MYO1D: variants seen among roughly 807,000 people sequenced by gnomAD.
MYO1D encodes the protein unconventional myosin-Id.
In MYO1D, 83 loss-of-function variants were observed where a neutral mutation model predicts 122.0. The ratio of observed to expected loss-of-function variants is 0.68; its 90% confidence interval spans 0.57 to 0.82. The LOEUF (loss-of-function observed/expected upper bound fraction) is 0.82. MYO1D is among the 40% of genes least tolerant of loss of function. The pLI is 0.00. For synonymous variants in MYO1D, 464 were observed against 446.9 expected (o/e 1.04, Z -0.48); for missense variants, 1,157 against 1,269.5 (o/e 0.91, Z 1.35).
intron 1 of MYO1D, among the ~76,000 whole-genome samples, chr17:32,866,992 A>G (rs780410164): frequency 1.3e-5 from 2 of 152,196 alleles, no homozygotes; most frequent in Non-Finnish European, 2.9e-5. Context: ...ACATATAGAC[A>G]GCTCTTAATT....
intron 21 of MYO1D, among the ~76,000 whole-genome samples, chr17:32,511,982 C>T (rs564210016): frequency 6.6e-6 from 1 of 152,184 alleles, no homozygotes; most frequent in Non-Finnish European, 1.5e-5. Flanking sequence ...CACCTACACA[C>T]AAACACACTG....
chr17:32,764,880 TG>T lies in MYO1D; in HGVS notation c.1032del (p.Lys345ArgfsTer72). On this transcript the variant is annotated frameshift_variant, in exon 8 of 22. Coordinates refer to ENST00000318217, the MANE Select transcript of MYO1D (RefSeq NM_015194.3). LOFTEE classifies it high-confidence loss of function. Reference sequence around the variant, plus strand: ...CATAGGGTCAGTTACACTCTCACCTTGGCAAAGGCGTCTCTGCCGTAGCTGG... The same window carrying T: ...CATAGGGTCAGTTACACTCTCACCTTGCAAAGGCGTCTCTGCCGTAGCTGG... ...QEASYGRDAF[A>X]KAIYERLFCW... 6.2e-7 allele frequency: 1 copy of T among 1,613,992 alleles called. No individual in the cohort carries two copies. Among genetic ancestry groups the T allele is most frequent in the South Asian group, 1.1e-5 (1 of 91,072 alleles).
At chr17:32,658,536 T>A (rs2088509140) in intron 17 of MYO1D, 1 of 152,282 alleles carries the variant, frequency 6.6e-6, no homozygotes, top group African/African-American at 2.4e-5. Context: ...GTACCAAATT[T>A]TACTTGGGTT....
At chr17:32,720,713 T>TGATCAA (rs893846553) in intron 15 of MYO1D, among the ~76,000 whole-genome samples, 4 of 152,158 alleles carry the variant, frequency 2.6e-5, no homozygotes, top group African/African-American at 9.7e-5. Context: ...TTCTGGCCCA[T>TGATCAA]GATCAAGCAG....
At chr17:32,649,274 T>G (rs1001618194) in intron 19 of MYO1D, among the ~76,000 whole-genome samples, 1 of 152,300 alleles carries the variant, frequency 6.6e-6, no homozygotes, top group East Asian at 1.9e-4. Context: ...CACATTGTTG[T>G]GCAGCCATCA....
intron 21 of MYO1D, among the ~76,000 whole-genome samples, chr17:32,527,431 CTAACTT>C (rs1371131499): frequency 6.6e-6 from 1 of 152,198 alleles, no homozygotes; most frequent in Non-Finnish European, 1.5e-5. Context: ...TCTGTTCTCA[CTAACTT>C]TAAATTCTAG....
intron 16 of MYO1D, among the ~76,000 whole-genome samples, chr17:32,683,497 GAA>G (rs1378450520): frequency 6.6e-6 from 1 of 152,088 alleles, no homozygotes; most frequent in African/African-American, 2.4e-5. Context: ...AGGTCTGTTG[GAA>G]TACCCTGCCG....
Position 32,694,707 on chromosome 17 carries a change from CAAAA to C in MYO1D, c.2121+17277_2121+17280del, listed in dbSNP as rs58606294. ...TGGGCGACAGAGCGAGACTCCGTCT[CAAAA>C]AAAAAAAAAAAAAAAAAAAAAAATT... On this transcript the variant is annotated intron_variant, in intron 16 of 21. Coordinates refer to ENST00000318217, the MANE Select transcript of MYO1D (RefSeq NM_015194.3). Among the ~76,000 whole-genome samples, 6 of 55,914 alleles carry C rather than the reference CAAAA, an allele frequency of 1.1e-4. 1 individual carries two copies. The highest frequency in any genetic ancestry group is 7.6e-4 in the Admixed American group (3 of 3,940). The allele number at this position is 55,914 out of a possible 152,430, so 36.7% of individuals were successfully genotyped here. A position where few individuals can be genotyped will look rare whatever the true frequency, so the allele number is the denominator to read the frequency against.
At chr17:32,762,418 A>C (rs8082235) in intron 8 of MYO1D, among the ~76,000 whole-genome samples, 2,220 of 152,212 alleles carry the variant, frequency 0.015, 42 homozygotes, top group African/African-American at 0.048. Flanking sequence ...AGTCCATTTC[A>C]AATCATCCTC....
At chr17:32,588,328 G>T (rs2087409336) in intron 21 of MYO1D, among the ~76,000 whole-genome samples, 1 of 152,220 alleles carries the variant, frequency 6.6e-6, no homozygotes, top group African/African-American at 2.4e-5. Context: ...CACGATGCCT[G>T]ATAAAAGACA....
At chr17:32,628,078 T>G (rs2087951617) in intron 20 of MYO1D, among the ~76,000 whole-genome samples, 1 of 152,238 alleles carries the variant, frequency 6.6e-6, no homozygotes, top group Admixed American at 6.5e-5. Flanking sequence ...TTATGTAGGC[T>G]ATTTCTTGCT....
At chr17:32,763,139 T>C (rs902989209) in intron 8 of MYO1D, among the ~76,000 whole-genome samples, 1 of 151,940 alleles carries the variant, frequency 6.6e-6, no homozygotes. Context: ...TGAGCTGAGA[T>C]TGTGCCACTG....
rs769569541 is a variant in MYO1D at position 32,605,077 on chromosome 17, C to T, written c.2864+10G>A. 4.5e-6 allele frequency: 7 copies of T among 1,564,802 alleles called. No homozygotes were observed. The highest frequency in any genetic ancestry group is 6.1e-6 in the Non-Finnish European group (7 of 1,145,608). On this transcript the variant is annotated intron_variant, in intron 21 of 21. Coordinates refer to ENST00000318217, the MANE Select transcript of MYO1D (RefSeq NM_015194.3). ...TAAAACGTGTCTTAGTTACAAAAAT[C>T]AAACTTTACCTCTTGAAATGATTCA...
At chr17:32,549,495 T>C (rs2086992480) in intron 21 of MYO1D, among the ~76,000 whole-genome samples, 1 of 152,232 alleles carries the variant, frequency 6.6e-6, no homozygotes, top group Non-Finnish European at 1.5e-5. Context: ...AGGAGGGGCA[T>C]AGCACTGACT....
rs191730816 is a variant in MYO1D at position 32,722,941 on chromosome 17, C to T, written c.1747-1752G>A. ...CGTCATGTGCTGGAACTTACAGCTG[C>T]CTGACCTCTGGGCAGGTTAGGGGGA... On this transcript the variant is annotated intron_variant, in intron 14 of 21. Coordinates refer to ENST00000318217, the MANE Select transcript of MYO1D (RefSeq NM_015194.3). Among the ~76,000 whole-genome samples the T allele has an allele frequency of 3.2e-4, 48 of 152,146 alleles. 1 individual carries two copies. The highest frequency in any genetic ancestry group is 6.8e-3 in the Middle Eastern group (2 of 294).
At chr17:32,721,947 ATTTCTT>A (rs1176451554) in intron 14 of MYO1D, among the ~76,000 whole-genome samples, 4 of 152,224 alleles carry the variant, frequency 2.6e-5, no homozygotes, top group African/African-American at 9.6e-5. Context: ...AGTGTAAAGA[ATTTCTT>A]TTTCTTCTCT....
At position 32,729,089 on chromosome 17, in the gene MYO1D, A is replaced by T. The variant is rs141247423; in HGVS notation, c.1747-7900T>A. On this transcript the variant is annotated intron_variant, in intron 14 of 21. Coordinates refer to ENST00000318217, the MANE Select transcript of MYO1D (RefSeq NM_015194.3). The stretch of plus-strand genomic sequence containing the variant: ...GAAATCCTAAATTTGGCAAATTCAG[A>T]GTGTCTTATAAAGGTTAAATTGCAA... 3.6e-3 allele frequency among the ~76,000 whole-genome samples: 555 copies of T among 152,328 alleles called. 3 individuals carry two copies. Among genetic ancestry groups the T allele is most frequent in the African/African-American group, 0.012 (519 of 41,576 alleles).
At chr17:32,556,463 C>A (rs1224381904) in intron 21 of MYO1D, among the ~76,000 whole-genome samples, 6 of 152,030 alleles carry the variant, frequency 3.9e-5, no homozygotes, top group Non-Finnish European at 8.8e-5. Flanking sequence ...TGCTACAGGT[C>A]ACACAGATGA....
At chr17:32,825,595 A>G (rs1198070921) in intron 1 of MYO1D, among the ~76,000 whole-genome samples, 2 of 152,104 alleles carry the variant, frequency 1.3e-5, no homozygotes, top group African/African-American at 4.8e-5. Context: ...ACCCGGCCCA[A>G]TTTTTCTTTA....
Sources: allele counts gnomAD v4.1 joint callset (sites outside exome capture counted in the v4.1 genomes callset), GRCh38; gene constraint gnomAD v4.1.1; transcripts MANE v1.5; gene names NCBI Gene and HGNC (gene_info 2026-07-23, HGNC 2026-07-21).